WWOX: variants seen among roughly 807,000 people sequenced by gnomAD.
The protein encoded by WWOX is WW domain containing oxidoreductase.
A neutral mutation model predicts 46.2 loss-of-function variants in WWOX; 69 were observed. That is an observed-to-expected ratio of 1.49 (90% CI 1.23 to 1.82). WWOX has a LOEUF of 1.82. WWOX is among the 40% of genes most tolerant of loss of function. The pLI, the probability that WWOX is intolerant of heterozygous loss-of-function variation, is 0.00. For synonymous variants in WWOX, 359 were observed against 202.6 expected, an observed-to-expected ratio of 1.77 and a Z score of -6.56; for missense variants, 919 against 542.6, an observed-to-expected ratio of 1.69 and a Z score of -6.89.
intron 8 of WWOX, among the ~76,000 whole-genome samples, chr16:78,788,351 C>G (rs1035849681): frequency 2.6e-5 from 4 of 152,180 alleles, no homozygotes; most frequent in Admixed American, 2.6e-4. Context: ...GAAACAGAAT[C>G]TCTTTGTCTC....
chr16:78,792,266 G>A (rs1311435563), intron 8 of WWOX, among the ~76,000 whole-genome samples: 1 of 152,202 alleles, frequency 6.6e-6, no homozygotes, highest in African/African-American at 2.4e-5. Flanking sequence ...ATGGGGCTGG[G>A]AATGGGCTGA....
chr16:78,424,033 C>A (rs1162355592), intron 6 of WWOX, among the ~76,000 whole-genome samples: 6 of 151,702 alleles, frequency 4.0e-5, no homozygotes, highest in Non-Finnish European at 8.8e-5. Flanking sequence ...GTTTTATTAA[C>A]AGCTAGCAAG....
At chr16:78,533,131 C>A (rs1199084546) in intron 8 of WWOX, among the ~76,000 whole-genome samples, 1 of 152,070 alleles carries the variant, frequency 6.6e-6, no homozygotes, top group Non-Finnish European at 1.5e-5. Flanking sequence ...CTCTCAATGG[C>A]TAAACCAACC....
intron 8 of WWOX, among the ~76,000 whole-genome samples, chr16:79,168,005 G>A (rs9972873): frequency 0.039 from 5,988 of 152,128 alleles, 408 homozygotes; most frequent in African/African-American, 0.14. Flanking sequence ...GTCTAGCTCC[G>A]TTCACTTAGC....
At chr16:78,581,263 T>A (rs1199299427) in intron 8 of WWOX, among the ~76,000 whole-genome samples, 1 of 152,196 alleles carries the variant, frequency 6.6e-6, no homozygotes, top group Admixed American at 6.5e-5. Flanking sequence ...TAATTAAGGG[T>A]CTTGAGCATG....
intron 8 of WWOX, among the ~76,000 whole-genome samples, chr16:78,481,764 TGC>T (rs1555547243): frequency 2.0e-4 from 30 of 147,924 alleles, no homozygotes; most frequent in African/African-American, 3.0e-4. Flanking sequence ...TGTGTGTGTG[TGC>T]GCGCGCCTGC....
chr16:78,527,204 A>T (rs979749628), intron 8 of WWOX, among the ~76,000 whole-genome samples: 4 of 152,066 alleles, frequency 2.6e-5, no homozygotes, highest in Non-Finnish European at 5.9e-5. Context: ...GAACAACCCC[A>T]CACAACCTAA....
At chr16:78,404,522 T>C (rs1490378761) in intron 6 of WWOX, among the ~76,000 whole-genome samples, 32 of 152,184 alleles carry the variant, frequency 2.1e-4, no homozygotes, top group Admixed American at 2.0e-3. Flanking sequence ...TCTATTTGTA[T>C]GAATAATAGT....
At chr16:78,344,489 A>G (rs548969347) in intron 5 of WWOX, among the ~76,000 whole-genome samples, 1 of 121,350 alleles carries the variant, frequency 8.2e-6, no homozygotes, top group South Asian at 2.5e-4. Flanking sequence ...CTGGGTCTAT[A>G]CCAGGGTTTA....
intron 8 of WWOX, among the ~76,000 whole-genome samples, chr16:78,700,829 A>G (rs1400465579): frequency 6.6e-6 from 1 of 152,188 alleles, no homozygotes; most frequent in Non-Finnish European, 1.5e-5. Flanking sequence ...TTTCCAACTA[A>G]TGGAAGAAAG....
At chr16:78,787,539 T>C (rs561728835) in intron 8 of WWOX, among the ~76,000 whole-genome samples, 1 of 152,374 alleles carries the variant, frequency 6.6e-6, no homozygotes, top group Admixed American at 6.5e-5. Flanking sequence ...TACATGGATA[T>C]ACCACTTTTT....
intron 4 of WWOX, among the ~76,000 whole-genome samples, chr16:78,136,168 G>C (rs889855431): frequency 6.6e-6 from 1 of 152,074 alleles, no homozygotes; most frequent in African/African-American, 2.4e-5. Flanking sequence ...TGCCAAACTT[G>C]TTGTAACATG....
chr16:78,586,796 T>A (rs2045218975), intron 8 of WWOX, among the ~76,000 whole-genome samples: 1 of 152,306 alleles, frequency 6.6e-6, no homozygotes, highest in South Asian at 2.1e-4. Context: ...ATGTGCCCAG[T>A]ATCATCTATG....
intron 8 of WWOX, among the ~76,000 whole-genome samples, chr16:79,004,959 G>T (rs1013225723): frequency 3.9e-5 from 6 of 152,268 alleles, no homozygotes; most frequent in African/African-American, 1.2e-4. Context: ...CAGAAAGGAG[G>T]AGTTGTTGTT....
chr16:78,970,634 T>C (rs181797594), intron 8 of WWOX, among the ~76,000 whole-genome samples: 3 of 152,178 alleles, frequency 2.0e-5, no homozygotes, highest in Non-Finnish European at 2.9e-5. Flanking sequence ...ACAAAGATTA[T>C]AGTGTAATGC....
intron 8 of WWOX, among the ~76,000 whole-genome samples, chr16:78,798,424 G>C (rs1456085670): frequency 6.6e-6 from 1 of 152,122 alleles, no homozygotes; most frequent in Admixed American, 6.5e-5. Context: ...GTGCGATGCG[G>C]GAACAAAAGC....
At chr16:79,040,541 G>C (rs1380370271) in intron 8 of WWOX, among the ~76,000 whole-genome samples, 2 of 152,138 alleles carry the variant, frequency 1.3e-5, no homozygotes, top group Non-Finnish European at 2.9e-5. Context: ...CCCACAAAGT[G>C]CTGGGCTTAC....
At chr16:78,798,323 G>A (rs912520903) in intron 8 of WWOX, among the ~76,000 whole-genome samples, 1 of 151,922 alleles carries the variant, frequency 6.6e-6, no homozygotes, top group African/African-American at 2.4e-5. Flanking sequence ...GAAAAAAAAA[G>A]AAAAAAATCT....
At chr16:78,303,101 A>G (rs1406121825) in intron 5 of WWOX, among the ~76,000 whole-genome samples, 1 of 152,186 alleles carries the variant, frequency 6.6e-6, no homozygotes, top group Non-Finnish European at 1.5e-5. Flanking sequence ...GGATGCTTAG[A>G]ATCAGAATTG....
Sources: gnomAD v4.1 joint callset for allele counts (sites outside exome capture counted in the v4.1 genomes callset) on GRCh38, gnomAD v4.1.1 for gene constraint, MANE v1.5 for transcripts, NCBI Gene and HGNC (gene_info 2026-07-23, HGNC 2026-07-21) for gene names.